Variants in GRK5 observed in about 807,000 individuals in gnomAD.
GRK5 encodes the protein G protein-coupled receptor kinase 5.
A neutral mutation model predicts 78.4 loss-of-function variants in GRK5; 40 were observed. That is an observed-to-expected ratio of 0.51 (90% CI 0.40 to 0.66). The LOEUF (loss-of-function observed/expected upper bound fraction) is 0.66. Among genes scored for constraint, GRK5 ranks in the 30% least tolerant of loss-of-function variants. The pLI is 0.00. For synonymous variants in GRK5, 289 were observed against 296.8 expected (o/e 0.97, Z 0.27); for missense variants, 598 against 759.9 (o/e 0.79, Z 2.50).
chr10:119,245,853 T>A (rs1393637928), intron 1 of GRK5, among the ~76,000 whole-genome samples: 1 of 151,042 alleles, frequency 6.6e-6, no homozygotes, highest in Non-Finnish European at 1.5e-5. Context: ...CCGTCTCTAC[T>A]AAAAAAATAC....
chr10:119,227,145 C>A (rs1307662048), intron 1 of GRK5, among the ~76,000 whole-genome samples: 1 of 152,154 alleles, frequency 6.6e-6, no homozygotes, highest in African/African-American at 2.4e-5. Context: ...TATGAGCCAC[C>A]ACTACTGGCC....
At chr10:119,219,310 C>T (rs1040374001) in intron 1 of GRK5, among the ~76,000 whole-genome samples, 8 of 151,880 alleles carry the variant, frequency 5.3e-5, no homozygotes, top group African/African-American at 1.9e-4. Flanking sequence ...GCCTCCTGGG[C>T]TCAAGTGATC....
intron 3 of GRK5, among the ~76,000 whole-genome samples, chr10:119,386,902 C>G (rs1367766015): frequency 1.3e-5 from 2 of 152,354 alleles, no homozygotes; most frequent in Admixed American, 6.5e-5. Flanking sequence ...CCACGCCATT[C>G]CCATCTCTCT....
chr10:119,397,264 G>A (rs1180874230), intron 4 of GRK5, among the ~76,000 whole-genome samples: 3 of 152,176 alleles, frequency 2.0e-5, no homozygotes, highest in Non-Finnish European at 2.9e-5. Context: ...GGGCCACCCC[G>A]ACCCCACCTC....
chr10:119,235,388 G>A (rs1466231844), intron 1 of GRK5, among the ~76,000 whole-genome samples: 1 of 152,180 alleles, frequency 6.6e-6, no homozygotes, highest in Admixed American at 6.5e-5. Context: ...AAATGTTAAA[G>A]CAAAAGAGCC....
At chr10:119,361,351 G>A (rs1251559068) in intron 2 of GRK5, among the ~76,000 whole-genome samples, 1 of 152,222 alleles carries the variant, frequency 6.6e-6, no homozygotes, top group Non-Finnish European at 1.5e-5. Context: ...AGATGGGGAG[G>A]CCTCGAGGCC....
chr10:119,448,403 T>C, intron 13 of GRK5, 143 bp downstream of exon 13: 2 of 916,548 alleles, frequency 2.2e-6, no homozygotes, highest in Non-Finnish European at 3.2e-6. Context: ...CGGCCACTCC[T>C]CACCTAAGCT....
In GRK5 at chr10:119,404,990, T is replaced by C. The variant is rs77654647; in HGVS notation, c.339+8218T>C. On this transcript the variant is annotated intron_variant, in intron 4 of 15. Coordinates refer to ENST00000392870, the MANE Select transcript of GRK5 (RefSeq NM_005308.3). ...CTTTGGCAGTGTTACTTGTAGGACA[T>C]TTTGCTGCGGCTCATTTTAATTGGG... Among the ~76,000 whole-genome samples, 451 of 152,330 alleles carry C rather than the reference T, an allele frequency of 3.0e-3. 4 individuals are homozygous for C. Among genetic ancestry groups the C allele is most frequent in the African/African-American group, 0.01 (429 of 41,568 alleles).
rs10886430 is a variant in GRK5 at position 119,250,744 on chromosome 10, A to G, written c.52+42775A>G. Among the ~76,000 whole-genome samples, 13,300 of 152,244 alleles carry G rather than the reference A, an allele frequency of 0.087. 794 individuals carry two copies. Among genetic ancestry groups the G allele is most frequent in the Middle Eastern group, 0.14 (40 of 294 alleles). ...AAAATTGGAAGTGAACGTTGGAGAA[A>G]GTGGCTTAGTCATGACCTGTGTTTA... On this transcript the variant is annotated intron_variant, in intron 1 of 15. Coordinates refer to ENST00000392870, the MANE Select transcript of GRK5 (RefSeq NM_005308.3).
intron 1 of GRK5, among the ~76,000 whole-genome samples, chr10:119,292,910 C>A (rs1469731403): frequency 6.6e-6 from 1 of 151,744 alleles, no homozygotes; most frequent in Non-Finnish European, 1.5e-5. Context: ...ATGCAGAGCC[C>A]GTGGATATGG....
chr10:119,453,013 A>C, intron 14 of GRK5, 132 bp from the exon 15 acceptor site: 1 of 853,974 alleles, frequency 1.2e-6, no homozygotes, highest in South Asian at 1.5e-5. Flanking sequence ...AGCCTCGCCC[A>C]GCCCCTGAGA....
At chr10:119,252,545 G>A (rs1849221022) in intron 1 of GRK5, among the ~76,000 whole-genome samples, 1 of 152,148 alleles carries the variant, frequency 6.6e-6, no homozygotes, top group South Asian at 2.1e-4. Flanking sequence ...CATGGTTTTA[G>A]TTCTACCCCG....
intron 2 of GRK5, among the ~76,000 whole-genome samples, chr10:119,369,886 C>G (rs1328189482): frequency 6.6e-6 from 1 of 152,166 alleles, no homozygotes; most frequent in Non-Finnish European, 1.5e-5. Flanking sequence ...CCTGCCGTTC[C>G]CTCAGTCCAC....
intron 1 of GRK5, among the ~76,000 whole-genome samples, chr10:119,311,800 G>C (rs984909784): frequency 6.8e-6 from 1 of 147,886 alleles, no homozygotes; most frequent in Non-Finnish European, 1.5e-5. Context: ...AAAAAAAAAA[G>C]AGTGAGTAGA....
Position 119,455,291 on chromosome 10 carries a change from C to T in GRK5, c.*224C>T. The T allele has an allele frequency of 2.9e-6, 2 of 694,042 alleles. No individual in the cohort carries two copies. The highest frequency in any genetic ancestry group is 5.3e-6 in the Non-Finnish European group (2 of 379,872). The allele number at this position is 694,042 out of a possible 1,614,324, so 43.0% of individuals were successfully genotyped here. On this transcript the variant is annotated 3_prime_UTR_variant, in exon 16 of 16. Transcript: ENST00000392870. ...CCCGGCCGGGGTGGATTGGATTTGT[C>T]TTTGGTGAACATTGCAATAGAAATC...
At position 119,438,838 on chromosome 10, in the gene GRK5, A is replaced by G. The variant is rs553210561; in HGVS notation, c.930-893A>G. Among the ~76,000 whole-genome samples, 51 of 152,382 alleles carry G rather than the reference A, an allele frequency of 3.3e-4. 1 individual carries two copies. The South Asian group carries it at 0.011, about 32-fold the overall frequency. The stretch of plus-strand genomic sequence containing the variant: ...AATGCCATTTAAATAACAGCAACAA[A>G]AGTATTTTATGATAAATAAGGATAC... On this transcript the variant is annotated intron_variant, in intron 9 of 15. Transcript: ENST00000392870.
intron 1 of GRK5, among the ~76,000 whole-genome samples, chr10:119,249,158 C>T (rs1849158276): frequency 1.3e-5 from 2 of 151,986 alleles, no homozygotes; most frequent in Non-Finnish European, 2.9e-5. Context: ...GTAATCCCAG[C>T]TACTCAGGAG....
chr10:119,272,375 A>C (rs1487960537), intron 1 of GRK5, among the ~76,000 whole-genome samples: 1 of 152,104 alleles, frequency 6.6e-6, no homozygotes, highest in Non-Finnish European at 1.5e-5. Context: ...TCAGGAGTTC[A>C]AGACCAGACT....
intron 1 of GRK5, among the ~76,000 whole-genome samples, chr10:119,245,552 T>G (rs1023089512): frequency 2.6e-5 from 4 of 152,198 alleles, no homozygotes; most frequent in African/African-American, 9.6e-5. Flanking sequence ...ACAATTCCAT[T>G]CATATGAGAA....
Sources: allele counts gnomAD v4.1 joint callset (sites outside exome capture counted in the v4.1 genomes callset), GRCh38; gene constraint gnomAD v4.1.1; transcripts MANE v1.5; gene names NCBI Gene and HGNC (gene_info 2026-07-23, HGNC 2026-07-21).